GALNT10: variants seen among roughly 807,000 people sequenced by gnomAD.
GALNT10 encodes GalNAc transferase 10.
GALNT10 carries 41 observed loss-of-function variants against 75.0 expected under a neutral mutation model. The ratio of observed to expected loss-of-function variants is 0.55; its 90% confidence interval spans 0.43 to 0.71. GALNT10 has a LOEUF of 0.71. Among genes scored for constraint, GALNT10 ranks in the 30% least tolerant of loss-of-function variants. The pLI is 0.00. For missense variants in GALNT10, 727 were observed against 818.5 expected, an observed-to-expected ratio of 0.89 and a Z score of 1.36; for synonymous variants, 302 against 313.0, an observed-to-expected ratio of 0.96 and a Z score of 0.37.
At chr5:154,370,929 A>G (rs760451251) in intron 4 of GALNT10, among the ~76,000 whole-genome samples, 22 of 152,156 alleles carry the variant, frequency 1.4e-4, no homozygotes, top group Non-Finnish European at 2.6e-4. Flanking sequence ...CTGCCATGTC[A>G]CTGTCACAGT....
At chr5:154,286,957 C>G (rs1754120369) in intron 1 of GALNT10, among the ~76,000 whole-genome samples, 2 of 152,180 alleles carry the variant, frequency 1.3e-5, no homozygotes, top group Non-Finnish European at 2.9e-5. Flanking sequence ...GTTAAGTTTT[C>G]TCAAAACAGC....
In GALNT10 at chr5:154,416,915, G is replaced by A; in HGVS notation, c.1755G>A (p.Gln585=). The part of the protein sequence containing the change: ...MNTCNPSSLT[Q]QWLFEHTNST... ...CCTGCAACCCATCCTCTCTCACCCAGCAGTGGCTGTTTGAACACACCAACT... is the reference window on the plus strand; with the variant it reads ...CCTGCAACCCATCCTCTCTCACCCAACAGTGGCTGTTTGAACACACCAACT... Residue 585 remains glutamine, a synonymous_variant, in exon 12 of 12, where the codon CAG becomes CAA. Transcript: ENST00000297107. This position sits in a 1 kb window ranked among gnomAD's most constrained non-coding sequence, Gnocchi z 4.5. 1.2e-6 allele frequency: 2 copies of A among 1,613,950 alleles called. No individual in the cohort carries two copies. Among genetic ancestry groups the A allele is most frequent in the Non-Finnish European group, 1.7e-6 (2 of 1,179,818 alleles).
chr5:154,339,502 G>T (rs912347653), intron 4 of GALNT10, among the ~76,000 whole-genome samples: 3 of 150,102 alleles, frequency 2.0e-5, no homozygotes, highest in African/African-American at 7.3e-5. Context: ...GATATTTTGT[G>T]CATCTTAAAA....
At chr5:154,304,169 G>A (rs1002792669) in intron 3 of GALNT10, among the ~76,000 whole-genome samples, 2 of 152,196 alleles carry the variant, frequency 1.3e-5, no homozygotes, top group Non-Finnish European at 2.9e-5. Flanking sequence ...TGTGGGTCAA[G>A]TTTAAAAATT....
At chr5:154,404,073 G>A (rs374897417) in intron 7 of GALNT10, 31 bp from the exon 8 acceptor site, 336 of 1,539,424 alleles carry the variant, frequency 2.2e-4, no homozygotes, top group Non-Finnish European at 2.4e-4. Flanking sequence ...AAGCAGAAAC[G>A]TCATCCTCTC....
intron 7 of GALNT10, among the ~76,000 whole-genome samples, chr5:154,400,765 C>G (rs556292552): frequency 1.8e-4 from 28 of 152,178 alleles, no homozygotes; most frequent in African/African-American, 5.5e-4. Flanking sequence ...GGTAGCCAGG[C>G]AGAGGGAGGA....
At chr5:154,320,936 C>T (rs1274257985) in intron 3 of GALNT10, among the ~76,000 whole-genome samples, 1 of 152,210 alleles carries the variant, frequency 6.6e-6, no homozygotes, top group East Asian at 1.9e-4. Context: ...GACATATCTT[C>T]CCTCCCACAG....
chr5:154,226,469 G>C (rs939337942), intron 1 of GALNT10, among the ~76,000 whole-genome samples: 2 of 152,072 alleles, frequency 1.3e-5, no homozygotes, highest in African/African-American at 4.8e-5. Flanking sequence ...TATGATTCTA[G>C]TTGACAGTGT....
chr5:154,388,906 GGAAA>G (rs1180339091), intron 7 of GALNT10: 43 of 141,868 alleles, frequency 3.0e-4, no homozygotes, highest in African/African-American at 8.9e-4. Flanking sequence ...AAAAAAAGAA[GGAAA>G]GAAAGAGAGA....
At chr5:154,256,944 C>G (rs1753623788) in intron 1 of GALNT10, among the ~76,000 whole-genome samples, 1 of 152,036 alleles carries the variant, frequency 6.6e-6, no homozygotes, top group Admixed American at 6.6e-5. Context: ...TCATACCAAA[C>G]CTGTGAAGTT....
At position 154,380,325 on chromosome 5, in the gene GALNT10, C is replaced by T. The variant is rs958571629; in HGVS notation, c.755-123C>T. 7.6e-6 allele frequency: 6 copies of T among 784,656 alleles called. No individual in the cohort carries two copies. In the African/African-American group the frequency reaches 8.6e-5, roughly 11 times the overall value. 48.6% of individuals were successfully genotyped at this position (784,656 alleles called of 1,614,324 possible). On this transcript the variant is annotated intron_variant, in intron 5 of 11. Transcript: ENST00000297107. Reference sequence around the variant, plus strand: ...TAAAGCTTGCAGTCTCCCTTCCCCTCCATGGATTGTCAAACTGAGGGTTCA... The same window carrying T: ...TAAAGCTTGCAGTCTCCCTTCCCCTTCATGGATTGTCAAACTGAGGGTTCA...
intron 1 of GALNT10, among the ~76,000 whole-genome samples, chr5:154,252,944 T>C (rs1753546319): frequency 6.6e-6 from 1 of 151,624 alleles, no homozygotes; most frequent in South Asian, 2.1e-4. Context: ...TTTATCTGCT[T>C]TCACTTATTT....
At position 154,298,405 on chromosome 5, in the gene GALNT10, T is replaced by C. The variant is rs1465486949; in HGVS notation, c.401+326T>C. ...ACTTTCATTCTCTTCACTTTCTGTG[T>C]GATGTTTTTATTTCTTTTTAAAAAA... On this transcript the variant is annotated intron_variant, in intron 3 of 11. Transcript: ENST00000297107. The surrounding 1 kb of genome is among the most constrained non-coding windows in gnomAD (Gnocchi z 4.1). Among the ~76,000 whole-genome samples the C allele has an allele frequency of 6.6e-6, 1 of 152,200 alleles. No homozygotes were observed.
intron 1 of GALNT10, among the ~76,000 whole-genome samples, chr5:154,192,903 G>T (rs1774881317): frequency 6.6e-6 from 1 of 152,146 alleles, no homozygotes; most frequent in Non-Finnish European, 1.5e-5. Flanking sequence ...ACCCAGATGG[G>T]TAGAGAAGGT....
chr5:154,398,107 G>A (rs1756085262), intron 7 of GALNT10, among the ~76,000 whole-genome samples: 2 of 152,366 alleles, frequency 1.3e-5, no homozygotes, highest in South Asian at 4.1e-4. Context: ...CTTGTCTAGA[G>A]GCATGGTGCT....
rs187673760 is a variant in GALNT10, at chr5:154,310,845, G to T, written c.401+12766G>T. ...TTAAATGACTCCCTTCTGAACAGTGGTGTTTCTTCCACGATAACAGTTATT... is the reference window on the plus strand; with the variant it reads ...TTAAATGACTCCCTTCTGAACAGTGTTGTTTCTTCCACGATAACAGTTATT... On this transcript the variant is annotated intron_variant, in intron 3 of 11. Transcript: ENST00000297107. 3.3e-3 allele frequency among the ~76,000 whole-genome samples: 506 copies of T among 152,316 alleles called. 4 individuals are homozygous for T. The highest frequency in any genetic ancestry group is 0.012 in the African/African-American group (492 of 41,554).
intron 1 of GALNT10, among the ~76,000 whole-genome samples, chr5:154,251,207 CCT>C (rs758767331): frequency 6.6e-6 from 1 of 152,074 alleles, no homozygotes; most frequent in African/African-American, 2.4e-5. Flanking sequence ...ATCACAGCCC[CCT>C]CTTTCCCCTT....
At chr5:154,240,719 C>T (rs1753323612) in intron 1 of GALNT10, among the ~76,000 whole-genome samples, 1 of 152,084 alleles carries the variant, frequency 6.6e-6, no homozygotes, top group Non-Finnish European at 1.5e-5. Flanking sequence ...TAATCTTGAG[C>T]GTTGATAAGA....
At chr5:154,258,401 A>C (rs971511196) in intron 1 of GALNT10, among the ~76,000 whole-genome samples, 1 of 152,216 alleles carries the variant, frequency 6.6e-6, no homozygotes, top group East Asian at 1.9e-4. Flanking sequence ...TTAAATGAAT[A>C]ACATTAAAAT....
Sources: gnomAD v4.1 joint callset for allele counts (sites outside exome capture counted in the v4.1 genomes callset) on GRCh38, gnomAD v4.1.1 for gene constraint, Gnocchi (gnomAD v3.1) non-coding constraint, MANE v1.5 for transcripts, NCBI Gene and HGNC (gene_info 2026-07-23, HGNC 2026-07-21) for gene names.